The following MYO18A variants were observed in gnomAD, a reference collection of about 807,000 sequenced individuals.
The protein encoded by MYO18A is unconventional myosin-XVIIIa.
Under a neutral mutation model 235.8 loss-of-function variants are expected in MYO18A, and 78 were observed. The observed-to-expected ratio is 0.33, with a 90% CI of 0.28 to 0.40. The LOEUF is 0.40. Among genes scored for constraint, MYO18A ranks in the 10% least tolerant of loss-of-function variants. The pLI is 1.00. For synonymous variants in MYO18A, 977 were observed against 1,077.8 expected (o/e 0.91, Z 1.83); for missense variants, 2,215 against 2,699.3 (o/e 0.82, Z 3.98).
chr17:29,122,537 G>A (rs2067226723), intron 2 of MYO18A, among the ~76,000 whole-genome samples: 1 of 152,190 alleles, frequency 6.6e-6, no homozygotes, highest in African/African-American at 2.4e-5. Flanking sequence ...GGGATCTTGT[G>A]CCCAGGAAAG....
intron 2 of MYO18A, chr17:29,133,800 T>C: frequency 2.3e-6 from 3 of 1,289,276 alleles, no homozygotes; most frequent in Non-Finnish European, 3.0e-6. Flanking sequence ...CAACTTTCCT[T>C]TTGCTCCCAG....
At position 29,084,624 on chromosome 17, in the gene MYO18A, C is replaced by T. The variant is rs202050616; in HGVS notation, c.5897+980G>A. ...GAACAAACAAACGGAGACAGAACGG[C>T]GGGGGATATTAATTGTGTGTGACAA... is the stretch of plus-strand genomic sequence containing the variant. On this transcript the variant is annotated intron_variant, in intron 40 of 41. Transcript: ENST00000527372. 2.0e-5 allele frequency among the ~76,000 whole-genome samples: 3 copies of T among 152,048 alleles called. No individual in the cohort carries two copies. In the East Asian group the frequency reaches 5.8e-4, roughly 29 times the overall value.
At chr17:29,107,057 G>A (rs754459681) in intron 20 of MYO18A, 23 bp downstream of exon 20, 6 of 1,606,366 alleles carry the variant, frequency 3.7e-6, no homozygotes, top group East Asian at 2.2e-5. Context: ...CAGAGGGAGA[G>A]CGGTCTGGGG....
At chr17:29,149,649 C>G (rs2067927339) in intron 2 of MYO18A, among the ~76,000 whole-genome samples, 1 of 152,246 alleles carries the variant, frequency 6.6e-6, no homozygotes, top group Admixed American at 6.5e-5. Flanking sequence ...CATATGCGGC[C>G]GACTGCAGGG....
chr17:29,174,743 C>T (rs143417731), intron 1 of MYO18A, among the ~76,000 whole-genome samples: 257 of 151,776 alleles, frequency 1.7e-3, no homozygotes, highest in Middle Eastern at 3.4e-3. Context: ...ATCCAGGAAG[C>T]GGAGGTTGCA....
intron 41 of MYO18A, among the ~76,000 whole-genome samples, chr17:29,079,390 A>G (rs1325024305): frequency 6.6e-6 from 1 of 152,248 alleles, no homozygotes; most frequent in Non-Finnish European, 1.5e-5. Flanking sequence ...TTCATCTTCT[A>G]TGAAACAGAG....
intron 1 of MYO18A, among the ~76,000 whole-genome samples, chr17:29,167,974 A>T (rs1046314785): frequency 1.3e-5 from 2 of 152,192 alleles, no homozygotes; most frequent in Non-Finnish European, 2.9e-5. Flanking sequence ...TACAAGGTAG[A>T]TATCATTATT....
At position 29,090,532 on chromosome 17, in the gene MYO18A, CT is replaced by C; in HGVS notation, c.5387del (p.Lys1796SerfsTer22). ...ANKEKQELQEKLQALQSQVEF... is the reference protein window; with the variant it reads ...ANKEKQELQEXLQALQSQVEF... Reference sequence around the variant, plus strand: ...TCCTGAGGGAGCCCCTGGTCCTCACCTTCTCCTGCAGCTCCTGCTTCTCTTT... The same window carrying C: ...TCCTGAGGGAGCCCCTGGTCCTCACCTCTCCTGCAGCTCCTGCTTCTCTTT... On this transcript the variant is annotated frameshift_variant and splice_region_variant, in exon 36 of 42. Transcript: ENST00000527372. LOFTEE classifies it high-confidence loss of function. 1 of 1,586,650 alleles carries C rather than the reference CT, an allele frequency of 6.3e-7. No individual in the cohort carries two copies. The highest frequency in any genetic ancestry group is 1.8e-5 in the Admixed American group (1 of 56,202).
At chr17:29,170,328 G>C (rs924248857) in intron 1 of MYO18A, among the ~76,000 whole-genome samples, 2 of 152,198 alleles carry the variant, frequency 1.3e-5, no homozygotes, top group Non-Finnish European at 2.9e-5. Context: ...ATAATCGCCA[G>C]GCCTGGCTGT....
intron 41 of MYO18A, chr17:29,076,468 A>G (rs547257670): frequency 1.4e-4 from 21 of 152,330 alleles, no homozygotes; most frequent in African/African-American, 4.6e-4. Flanking sequence ...TACATGTTCA[A>G]TTATGCAAAA....
At chr17:29,115,632 C>T (rs949570841) in intron 12 of MYO18A, 32 bp downstream of exon 12, 1 of 1,560,314 alleles carries the variant, frequency 6.4e-7, no homozygotes, top group East Asian at 2.3e-5. Context: ...AGGCCTCACA[C>T]TCACAACTAC....
intron 2 of MYO18A, among the ~76,000 whole-genome samples, chr17:29,154,121 T>TGTGCGCGC (rs142430455): frequency 1.3e-5 from 2 of 149,106 alleles, no homozygotes; most frequent in East Asian, 2.0e-4. Flanking sequence ...TGTGTGTGTG[T>TGTGCGCGC]GCGCGCGCGT....
intron 11 of MYO18A, 85 bp from the exon 12 acceptor site, chr17:29,115,925 A>T: frequency 6.8e-7 from 1 of 1,467,346 alleles, no homozygotes; most frequent in Non-Finnish European, 9.2e-7. Context: ...ATGACTATGC[A>T]TCTTCTGGAG....
In MYO18A at chr17:29,090,920, C is replaced by T. The variant is rs546634074; in HGVS notation, c.5194G>A (p.Glu1732Lys). ...TCACGCTGAAGGCGGCTCAGCTGCT[C>T]CTCCAGCTGGAGAGAGGCAAAGACA... Reference protein sequence around the residue: ...DIAKAKTALEEQLSRLQREKN... With the variant: ...DIAKAKTALEKQLSRLQREKN... The change falls in exon 35 of 42, where the codon GAG (glutamate) becomes AAG (lysine). Residue 1732 changes from glutamate (E) to lysine (K), a missense_variant. Glu to Lys is a moderately conservative substitution (Grantham distance 56). Coordinates refer to ENST00000527372, the MANE Select transcript of MYO18A (RefSeq NM_078471.4). The T allele has an allele frequency of 3.1e-6, 5 of 1,613,328 alleles. No homozygotes were observed. The highest frequency in any genetic ancestry group is 1.1e-5 in the South Asian group (1 of 91,066).
chr17:29,091,067 T>C (rs2066387426), intron 34 of MYO18A, 141 bp from the exon 35 acceptor site: 2 of 655,758 alleles, frequency 3.0e-6, no homozygotes, highest in Admixed American at 2.7e-5. Flanking sequence ...GGACTAGTGA[T>C]GCTCAAGGAG....
At chr17:29,134,877 A>G (rs1052612532) in intron 2 of MYO18A, among the ~76,000 whole-genome samples, 17 of 151,996 alleles carry the variant, frequency 1.1e-4, no homozygotes, top group Non-Finnish European at 1.5e-5. Context: ...GACCTAGGAG[A>G]GGAATTGAGG....
intron 2 of MYO18A, among the ~76,000 whole-genome samples, chr17:29,130,413 A>C (rs144930852): frequency 1.3e-5 from 2 of 151,670 alleles, no homozygotes; most frequent in African/African-American, 2.4e-5. Flanking sequence ...CAAGCACTTT[A>C]CATGTAGTTT....
At chr17:29,151,041 A>G (rs927742279) in intron 2 of MYO18A, among the ~76,000 whole-genome samples, 2 of 152,138 alleles carry the variant, frequency 1.3e-5, no homozygotes, top group Non-Finnish European at 2.9e-5. Flanking sequence ...AGGTGTTGTT[A>G]ACACAAGACC....
rs1453402947 is a variant in MYO18A at position 29,098,891 on chromosome 17, G to A, written c.3715C>T (p.Leu1239Phe). 1 of 1,613,900 alleles carries A rather than the reference G, an allele frequency of 6.2e-7. No homozygotes were observed. Among genetic ancestry groups the A allele is most frequent in the Admixed American group, 1.7e-5 (1 of 60,024 alleles). Residue 1239 changes from leucine to phenylalanine, a missense_variant, in exon 23 of 42, where the codon CTT (leucine) becomes TTT (phenylalanine). Physicochemically the swap from Leu to Phe is conservative, Grantham distance 22 (BLOSUM62 0). Coordinates refer to ENST00000527372, the MANE Select transcript of MYO18A (RefSeq NM_078471.4). ...KGVKDWPWWK[L>F]FTTVRPLIEV... is the part of the protein sequence containing the mutation. ...ATGAGGGGCCTCACTGTGGTAAAAA[G>A]CTTCCACCAGGGCCAGTCCTTCACC...
Sources: allele counts gnomAD v4.1 joint callset (sites outside exome capture counted in the v4.1 genomes callset), GRCh38; gene constraint gnomAD v4.1.1; transcripts MANE v1.5; gene names NCBI Gene and HGNC (gene_info 2026-07-23, HGNC 2026-07-21).